The following SCAMP1 variants were observed in gnomAD, a reference collection of about 807,000 sequenced individuals.
The protein encoded by SCAMP1 is secretory carrier-associated membrane protein 1.
SCAMP1 carries 15 observed loss-of-function variants against 41.8 expected under a neutral mutation model. The observed-to-expected ratio is 0.36, with a 90% confidence interval of 0.24 to 0.55. The LOEUF is 0.55. SCAMP1 is among the 20% of genes least tolerant of loss of function. SCAMP1 has a pLI of 0.86. For synonymous variants in SCAMP1, 135 were observed against 136.8 expected (o/e 0.99, Z 0.09); for missense variants, 341 against 412.6 (o/e 0.83, Z 1.50).
intron 2 of SCAMP1, among the ~76,000 whole-genome samples, chr5:78,400,854 T>G (rs1055113906): frequency 6.6e-6 from 1 of 152,146 alleles, no homozygotes; most frequent in African/African-American, 2.4e-5. Flanking sequence ...CTTATTACAT[T>G]AGTTAGGACT....
intron 6 of SCAMP1, among the ~76,000 whole-genome samples, chr5:78,449,155 G>T (rs1467131851): frequency 6.6e-6 from 1 of 151,970 alleles, no homozygotes; most frequent in East Asian, 1.9e-4. Context: ...ATGTTCATGG[G>T]AAGACTTGTA....
At position 78,479,410 on chromosome 5, in the gene SCAMP1, T is replaced by C. The variant is rs1315120548; in HGVS notation, c.*3742T>C. ...TAAAACATGAGTTGTTTTAAATACT[T>C]TTTTATTGAGCTAAAAAGTTTTATC... On this transcript the variant is annotated 3_prime_UTR_variant, in exon 9 of 9. Coordinates refer to ENST00000621999, the MANE Select transcript of SCAMP1 (RefSeq NM_004866.6). Among the ~76,000 whole-genome samples, 1 of 152,222 alleles carries C rather than the reference T, an allele frequency of 6.6e-6. No individual in the cohort carries two copies. Among genetic ancestry groups the C allele is most frequent in the Non-Finnish European group, 1.5e-5 (1 of 68,026 alleles).
intron 2 of SCAMP1, among the ~76,000 whole-genome samples, chr5:78,406,679 C>G (rs1751943451): frequency 6.6e-6 from 1 of 152,170 alleles, no homozygotes; most frequent in African/African-American, 2.4e-5. Flanking sequence ...TAATTTTTAT[C>G]TGTTTGTCCT....
At position 78,437,648 on chromosome 5, in the gene SCAMP1, C is replaced by T. The variant is rs1207134349; in HGVS notation, c.633-12285C>T. The stretch of plus-strand genomic sequence containing the variant: ...TACTGAGGATTTTTGCATCGATGTT[C>T]ATCAGGGATATTGGTCTAAAATTCT... On this transcript the variant is annotated intron_variant, in intron 6 of 8. Coordinates refer to ENST00000621999, the MANE Select transcript of SCAMP1 (RefSeq NM_004866.6). Among the ~76,000 whole-genome samples, 4 of 152,228 alleles carry T rather than the reference C, an allele frequency of 2.6e-5. No individual in the cohort carries two copies. The South Asian group carries it at 6.2e-4, about 24-fold the overall frequency.
At chr5:78,402,196 G>A (rs1392425826) in intron 2 of SCAMP1, among the ~76,000 whole-genome samples, 1 of 129,258 alleles carries the variant, frequency 7.7e-6, no homozygotes, top group African/African-American at 2.8e-5. Flanking sequence ...TACTATATTT[G>A]TTTTTTTTTT....
At chr5:78,362,133 T>G (rs4470742) in intron 1 of SCAMP1, among the ~76,000 whole-genome samples, 28,394 of 152,166 alleles carry the variant, frequency 0.19, 3,275 homozygotes, top group Admixed American at 0.34. Flanking sequence ...TTGGACTTGC[T>G]TCCATGTTGT....
chr5:78,425,727 A>G (rs1020740690), intron 6 of SCAMP1, among the ~76,000 whole-genome samples: 2 of 152,100 alleles, frequency 1.3e-5, no homozygotes, highest in African/African-American at 4.8e-5. Flanking sequence ...CTTTATTAGG[A>G]TATATTGTAT....
intron 7 of SCAMP1, among the ~76,000 whole-genome samples, chr5:78,452,964 TTGGC>T (rs1753278683): frequency 6.7e-6 from 1 of 149,444 alleles, no homozygotes; most frequent in Admixed American, 6.6e-5. Flanking sequence ...CATGTGTTTT[TTGGC>T]TGCATAAATG....
intron 1 of SCAMP1, 92 bp downstream of exon 1, chr5:78,360,820 C>T (rs1006472659): frequency 1.5e-6 from 2 of 1,311,048 alleles, no homozygotes; most frequent in South Asian, 1.3e-5. Context: ...GTCTGCCCCT[C>T]GGCTCCCCTT....
chr5:78,462,084 G>T (rs892136941), intron 8 of SCAMP1, among the ~76,000 whole-genome samples: 2 of 152,042 alleles, frequency 1.3e-5, no homozygotes, highest in African/African-American at 4.8e-5. Context: ...CATGAATGTG[G>T]ATGTTTTTCC....
chr5:78,446,488 T>C (rs1753055278), intron 6 of SCAMP1, among the ~76,000 whole-genome samples: 1 of 149,218 alleles, frequency 6.7e-6, no homozygotes, highest in Non-Finnish European at 1.5e-5. Context: ...CACAAAATAG[T>C]AAAAACTCTA....
At chr5:78,463,417 T>G (rs1362659534) in intron 8 of SCAMP1, among the ~76,000 whole-genome samples, 1 of 152,252 alleles carries the variant, frequency 6.6e-6, no homozygotes, top group Non-Finnish European at 1.5e-5. Flanking sequence ...TTATTTCAGT[T>G]TCTTCTCTAC....
chr5:78,478,140 G>A lies in SCAMP1; in HGVS notation c.*2472G>A, dbSNP rs965297847. 2.0e-5 allele frequency: 3 copies of A among 152,504 alleles called. No homozygotes were observed. Among genetic ancestry groups the A allele is most frequent in the South Asian group, 4.1e-4 (2 of 4,834 alleles). The allele number at this position is 152,504 out of a possible 1,614,324, so 9.4% of individuals were successfully genotyped here. On this transcript the variant is annotated 3_prime_UTR_variant, in exon 9 of 9. Transcript: ENST00000621999. ...ATATTTTGTCAGTAACTAATACTGCGCTGCCATCATGGTGACTGTCATGGT... is the reference window on the plus strand; with the variant it reads ...ATATTTTGTCAGTAACTAATACTGCACTGCCATCATGGTGACTGTCATGGT...
chr5:78,380,980 C>T (rs1016802033), intron 1 of SCAMP1, among the ~76,000 whole-genome samples: 1 of 152,082 alleles, frequency 6.6e-6, no homozygotes, highest in African/African-American at 2.4e-5. Flanking sequence ...GCAGGAGAAT[C>T]ACTTGAATGG....
chr5:78,474,735 T>C (rs1405731418), intron 8 of SCAMP1, among the ~76,000 whole-genome samples: 1 of 152,208 alleles, frequency 6.6e-6, no homozygotes, highest in South Asian at 2.1e-4. Context: ...TGTGGGCATA[T>C]AATTAATAAA....
chr5:78,465,397 A>C (rs2112243657), intron 8 of SCAMP1, among the ~76,000 whole-genome samples: 1 of 152,314 alleles, frequency 6.6e-6, no homozygotes. Flanking sequence ...TGGTGTCCTC[A>C]ACTGTACTCC....
At chr5:78,469,289 G>A (rs1016925003) in intron 8 of SCAMP1, among the ~76,000 whole-genome samples, 3 of 151,890 alleles carry the variant, frequency 2.0e-5, no homozygotes, top group African/African-American at 4.8e-5. Context: ...CAGCACTGTC[G>A]TCTTTGCTGA....
At chr5:78,464,974 C>T (rs1338188493) in intron 8 of SCAMP1, among the ~76,000 whole-genome samples, 6 of 152,102 alleles carry the variant, frequency 3.9e-5, no homozygotes, top group Non-Finnish European at 2.9e-5. Flanking sequence ...TTCCTTTGTT[C>T]CAGATTTTGT....
At chr5:78,393,009 ATCT>A (rs1405681929) in intron 2 of SCAMP1, among the ~76,000 whole-genome samples, 3 of 152,204 alleles carry the variant, frequency 2.0e-5, no homozygotes, top group East Asian at 1.9e-4. Flanking sequence ...AAGAAGGAAG[ATCT>A]TCTAGCAGAA....
Sources: gnomAD v4.1 joint callset for allele counts (sites outside exome capture counted in the v4.1 genomes callset) on GRCh38, gnomAD v4.1.1 for gene constraint, MANE v1.5 for transcripts, NCBI Gene and HGNC (gene_info 2026-07-23, HGNC 2026-07-21) for gene names.